Variants in TNK1 observed in about 807,000 individuals in gnomAD.
TNK1 encodes the protein non-receptor tyrosine-protein kinase TNK1.
A neutral mutation model predicts 65.2 loss-of-function variants in TNK1; 53 were observed. That is an observed-to-expected ratio of 0.81 (90% CI 0.65 to 1.02). The LOEUF (loss-of-function observed/expected upper bound fraction) is 1.02, where lower values mean the gene tolerates loss of function less well. Among genes scored for constraint, TNK1 ranks in the 50% least tolerant of loss-of-function variants. The probability of loss-of-function intolerance (pLI) is 0.00; values close to 1 mark genes in which losing one functional copy is unlikely to be tolerated. For synonymous variants in TNK1, 353 were observed against 364.6 expected, an observed-to-expected ratio of 0.97 and a Z score of 0.36; for missense variants, 837 against 878.4, an observed-to-expected ratio of 0.95 and a Z score of 0.60.
intron 2 of TNK1, 47 bp downstream of exon 2, chr17:7,383,136 A>T (rs531448636): frequency 5.6e-6 from 9 of 1,612,332 alleles, no homozygotes; most frequent in Non-Finnish European, 7.6e-6. Context: ...TCCACAGCCT[A>T]TCAGTTGCCT....
In TNK1 at chr17:7,384,713, G is replaced by A. The variant is rs1217361106; in HGVS notation, c.1096G>A (p.Asp366Asn). The stretch of plus-strand genomic sequence containing the variant: ...GCGCTGCTGGGCCCCCCACCCTGCC[G>A]ACCGGCCTAGCTTTTCCCACCTGGA... ...ALRCWAPHPA[D>N]RPSFSHLEGL... The change falls in exon 7 of 13, where the codon GAC becomes AAC. Residue 366 changes from aspartate (D) to asparagine (N), a missense_variant. Physicochemically the swap from Asp to Asn is conservative, Grantham distance 23 (BLOSUM62 1). Transcript: ENST00000688331. 2 of 1,587,192 alleles carry A rather than the reference G, an allele frequency of 1.3e-6. No individual in the cohort carries two copies. Among genetic ancestry groups the A allele is most frequent in the East Asian group, 2.3e-5 (1 of 43,486 alleles).
rs1178638150 is a variant in TNK1, at chr17:7,389,584, C to T, written c.*500C>T. On this transcript the variant is annotated 3_prime_UTR_variant, in exon 13 of 13. Transcript: ENST00000688331. ...GGTCCAGGGCCATCGTGGGTGATGACGATTGCTCTCTTGCACTCAAGGACA... is the reference window on the plus strand; with the variant it reads ...GGTCCAGGGCCATCGTGGGTGATGATGATTGCTCTCTTGCACTCAAGGACA... 1 of 281,266 alleles carries T rather than the reference C, an allele frequency of 3.6e-6. No individual in the cohort carries two copies. The highest frequency in any genetic ancestry group is 5.1e-5 in the Admixed American group (1 of 19,648). The allele number at this position is 281,266 out of a possible 1,614,324, so 17.4% of individuals were successfully genotyped here.
Position 7,384,532 on chromosome 17 carries a change from C to T in TNK1, c.915C>T (p.Asp305=). The change falls in exon 7 of 13, where the codon GAC becomes GAT. Residue 305 remains aspartate (D), a synonymous_variant. Transcript: ENST00000688331. ...LRHGAFSSAS[D]VWMFGVTLWE... ...ACGGAGCCTTCTCGTCTGCCTCGGA[C>T]GTGTGGATGTTTGGGGTGACGCTGT... is the stretch of plus-strand genomic sequence containing the variant. 6.2e-7 allele frequency: 1 copy of T among 1,602,554 alleles called. No individual in the cohort carries two copies. The highest frequency in any genetic ancestry group is 8.5e-7 in the Non-Finnish European group (1 of 1,172,526).
In TNK1 at chr17:7,382,833, C is replaced by T. The variant is rs1256711449; in HGVS notation, c.-91-3C>T. The T allele has an allele frequency of 7.3e-7, 1 of 1,365,710 alleles. No individual in the cohort carries two copies. The highest frequency in any genetic ancestry group is 2.1e-5 in the Admixed American group (1 of 47,282). 84.6% of individuals were successfully genotyped at this position (1,365,710 alleles called of 1,614,324 possible). A position where few individuals can be genotyped will look rare whatever the true frequency, so the allele number is the denominator to read the frequency against. ...GTACCTGAGTGTTTCTAATGACTTG[C>T]AGGTGGAGCTGGAGACCTGGTCTCT... is the stretch of plus-strand genomic sequence containing the variant. On this transcript the variant is annotated splice_polypyrimidine_tract_variant and splice_region_variant and intron_variant, in intron 1 of 12. Coordinates refer to ENST00000688331, the MANE Select transcript of TNK1 (RefSeq NM_003985.6). This position sits in a 1 kb window ranked among gnomAD's most constrained non-coding sequence, Gnocchi z 4.1.
rs747486848 is a variant in TNK1, at chr17:7,383,531, G to A, written c.341G>A (p.Gly114Asp). 5.0e-6 allele frequency: 8 copies of A among 1,613,714 alleles called. No homozygotes were observed. The East Asian group carries it at 6.7e-5, about 13-fold the overall frequency. ...GGCCTCAAGTGTCTGATCCCAGAGG[G>A]TGCTGTTTGCAGAGGGGAGCTGCTG... is the stretch of plus-strand genomic sequence containing the variant. ...EGGLKCLIPE[G>D]AVCRGELLGS... Residue 114 changes from glycine to aspartate, a missense_variant, in exon 4 of 13, where the codon GGT becomes GAT. Physicochemically the swap from Gly to Asp is moderately conservative, Grantham distance 94. Transcript: ENST00000688331.
chr17:7,388,955 C>G lies in TNK1; in HGVS notation c.1873-16C>G. ...CGCCTGGCAGTCAGCTGCAACCCAC[C>G]CTCCTGCTTCCACAGGTAGATCAGC... is the stretch of plus-strand genomic sequence containing the variant. On this transcript the variant is annotated splice_polypyrimidine_tract_variant and intron_variant, in intron 12 of 12. Coordinates refer to ENST00000688331, the MANE Select transcript of TNK1 (RefSeq NM_003985.6). This position sits in a 1 kb window ranked among gnomAD's most constrained non-coding sequence, Gnocchi z 4.5. 6.4e-7 allele frequency: 1 copy of G among 1,554,216 alleles called. No homozygotes were observed. Among genetic ancestry groups the G allele is most frequent in the Non-Finnish European group, 8.7e-7 (1 of 1,148,212 alleles).
chr17:7,387,076 CG>C lies in TNK1; in HGVS notation c.1325del (p.Gly442AlafsTer23), dbSNP rs1210754232. ...FPASAVTLAD[A>X]GGLPATRPVH... ...GCCTCGGCAGTGACGCTGGCAGATG[CG>C]GGGGGCTTGCCAGCCACCCGTCCAG... On this transcript the variant is annotated frameshift_variant, in exon 9 of 13. Transcript: ENST00000688331. LOFTEE classifies it high-confidence loss of function. 4 of 1,612,692 alleles carry C rather than the reference CG, an allele frequency of 2.5e-6. No individual in the cohort carries two copies. The highest frequency in any genetic ancestry group is 2.7e-5 in the African/African-American group (2 of 74,926).
intron 1 of TNK1, 77 bp downstream of exon 1, chr17:7,381,191 G>T (rs111975951): frequency 6.6e-6 from 1 of 152,582 alleles, no homozygotes; most frequent in South Asian, 2.1e-4. Context: ...CGCGTCCGGG[G>T]GGCGCTGGGC....
rs749598075 is a variant in TNK1, at chr17:7,388,721, A to C, written c.1776+17A>C. Reference sequence around the variant, plus strand: ...ATTATGGAGGTGAGGTCTCACTGAAATGGCCTGGTGTCCAGAAGGGGCTAC... The same window carrying C: ...ATTATGGAGGTGAGGTCTCACTGAACTGGCCTGGTGTCCAGAAGGGGCTAC... On this transcript the variant is annotated intron_variant, in intron 11 of 12. Coordinates refer to ENST00000688331, the MANE Select transcript of TNK1 (RefSeq NM_003985.6). The surrounding 1 kb of genome is among the most constrained non-coding windows in gnomAD (Gnocchi z 4.5). 3 of 1,609,764 alleles carry C rather than the reference A, an allele frequency of 1.9e-6. No homozygotes were observed. The highest frequency in any genetic ancestry group is 2.7e-5 in the African/African-American group (2 of 74,750).
chr17:7,383,873 A>G lies in TNK1; in HGVS notation c.582+9A>G. ...GCCAGCCTCTGCAGATGGTGAGCAG[A>G]TCCAGCCGCTGGTTCCCGGGACAGC... On this transcript the variant is annotated intron_variant, in intron 5 of 12. Coordinates refer to ENST00000688331, the MANE Select transcript of TNK1 (RefSeq NM_003985.6). 1 of 1,603,278 alleles carries G rather than the reference A, an allele frequency of 6.2e-7. No homozygotes were observed. Among genetic ancestry groups the G allele is most frequent in the Non-Finnish European group, 8.5e-7 (1 of 1,174,716 alleles).
chr17:7,384,131 G>T lies in TNK1; in HGVS notation c.744G>T (p.Thr248=). ...ARGLVHRDLA[T]RNLLLASPRT... ...GGCTGGTGCACCGAGACCTCGCTAC[G>T]CGCAACCTACTGCTGGCGTCGCCGC... is the stretch of plus-strand genomic sequence containing the variant. Residue 248 remains threonine, a synonymous_variant, in exon 6 of 13, where the codon ACG becomes ACT. Transcript: ENST00000688331. 6.5e-7 allele frequency: 1 copy of T among 1,548,042 alleles called. No individual in the cohort carries two copies. Among genetic ancestry groups the T allele is most frequent in the Non-Finnish European group, 8.7e-7 (1 of 1,154,574 alleles).
At chr17:7,380,102 C>G (rs1021860039), upstream of TNK1, among the ~76,000 whole-genome samples, 1 of 152,086 alleles carries the variant, frequency 6.6e-6, no homozygotes, top group Non-Finnish European at 1.5e-5. Context: ...GACATCTGGA[C>G]CCCTCCCTTA....
At position 7,388,908 on chromosome 17, in the gene TNK1, G is replaced by C; in HGVS notation, c.1872+25G>C. The C allele has an allele frequency of 6.4e-7, 1 of 1,570,224 alleles. No individual in the cohort carries two copies. Among genetic ancestry groups the C allele is most frequent in the South Asian group, 1.2e-5 (1 of 85,586 alleles). On this transcript the variant is annotated intron_variant, in intron 12 of 12. Transcript: ENST00000688331. This position sits in a 1 kb window ranked among gnomAD's most constrained non-coding sequence, Gnocchi z 4.5. ...GGTAAAGCCAGCCCCTTCTCTTGGG[G>C]TCCCTCCTCTCCTGCCCCTGCCGCC...
At position 7,384,152 on chromosome 17, in the gene TNK1, G is replaced by T; in HGVS notation, c.765G>T (p.Ser255=). The T allele has an allele frequency of 6.5e-7, 1 of 1,541,828 alleles. No homozygotes were observed. Among genetic ancestry groups the T allele is most frequent in the Non-Finnish European group, 8.7e-7 (1 of 1,151,050 alleles). The change falls in exon 6 of 13, where the codon TCG becomes TCT. Residue 255 remains serine (S), a synonymous_variant. Coordinates refer to ENST00000688331, the MANE Select transcript of TNK1 (RefSeq NM_003985.6). ...DLATRNLLLA[S]PRTIKVADFG... The stretch of plus-strand genomic sequence containing the variant: ...CTACGCGCAACCTACTGCTGGCGTC[G>T]CCGCGCACCATCAAGGTGGCTGACT...
intron 7 of TNK1, among the ~76,000 whole-genome samples, chr17:7,385,634 G>A (rs542140427): frequency 1.1e-4 from 16 of 152,090 alleles, no homozygotes; most frequent in South Asian, 2.1e-4. Flanking sequence ...GTGGGATCTT[G>A]GCTCACTGCA....
chr17:7,384,088 C>T lies in TNK1; in HGVS notation c.701C>T (p.Ala234Val), dbSNP rs1597678557. The T allele has an allele frequency of 6.5e-7, 1 of 1,542,914 alleles. No homozygotes were observed. Among genetic ancestry groups the T allele is most frequent in the East Asian group, 2.4e-5 (1 of 41,048 alleles). Reference protein sequence around the residue: ...LFLRQLAGAMAYLGARGLVHR... With the variant: ...LFLRQLAGAMVYLGARGLVHR... Reference sequence around the variant, plus strand: ...CTGCGGCAGCTGGCGGGAGCCATGGCGTACCTGGGGGCCCGCGGGCTGGTG... The same window carrying T: ...CTGCGGCAGCTGGCGGGAGCCATGGTGTACCTGGGGGCCCGCGGGCTGGTG... Residue 234 changes from alanine (A) to valine (V), a missense_variant, in exon 6 of 13, where the codon GCG (alanine) becomes GTG (valine). By Grantham distance (64) the Ala-to-Val change is moderately conservative. Transcript: ENST00000688331.
At position 7,387,056 on chromosome 17, in the gene TNK1, G is replaced by A. The variant is rs56159710; in HGVS notation, c.1299G>A (p.Ser433=). ...RTFKVGSFPA[S]AVTLADAGGL... ...TCAAAGTGGGCAGCTTCCCAGCCTC[G>A]GCAGTGACGCTGGCAGATGCGGGGG... Residue 433 remains serine, a synonymous_variant, in exon 9 of 13, where the codon TCG becomes TCA. Transcript: ENST00000688331. The A allele has an allele frequency of 1.8e-3, 2,942 of 1,611,736 alleles. 38 individuals carry two copies. The African/African-American group carries it at 0.032, about 18-fold the overall frequency.
At position 7,383,492 on chromosome 17, in the gene TNK1, C is replaced by T. The variant is rs376702418; in HGVS notation, c.302C>T (p.Pro101Leu). The T allele has an allele frequency of 1.4e-5, 23 of 1,613,786 alleles. No homozygotes were observed. The highest frequency in any genetic ancestry group is 2.7e-5 in the African/African-American group (2 of 74,938). The stretch of plus-strand genomic sequence containing the variant: ...CCCTCGGACAGCCCACGGCACCTCC[C>T]TGAGCCAGAGGGGGGCCTCAAGTGT... ...TLPSDSPRHLPEPEGGLKCLI... is the reference protein window; with the variant it reads ...TLPSDSPRHLLEPEGGLKCLI... Residue 101 changes from proline (P) to leucine (L), a missense_variant, in exon 4 of 13, where the codon CCT becomes CTT. By Grantham distance (98) the Pro-to-Leu change is moderately conservative (BLOSUM62 -3). Coordinates refer to ENST00000688331, the MANE Select transcript of TNK1 (RefSeq NM_003985.6).
chr17:7,384,261 C>T lies in TNK1; in HGVS notation c.866+8C>T, dbSNP rs1286721494. 4.8e-6 allele frequency: 7 copies of T among 1,448,422 alleles called. No individual in the cohort carries two copies. The highest frequency in any genetic ancestry group is 6.3e-6 in the Non-Finnish European group (7 of 1,108,216). The allele number at this position is 1,448,422 out of a possible 1,614,324, so 89.7% of individuals were successfully genotyped here. A position where few individuals can be genotyped will look rare whatever the true frequency, so the allele number is the denominator to read the frequency against. On this transcript the variant is annotated splice_region_variant and intron_variant, in intron 6 of 12. Transcript: ENST00000688331. ...CCCTATCCCCTACGCCTGGTGAGAGCGGGTCCGCGGGCGGTCGGGCTCTGA... is the reference window on the plus strand; with the variant it reads ...CCCTATCCCCTACGCCTGGTGAGAGTGGGTCCGCGGGCGGTCGGGCTCTGA...
Sources: gnomAD v4.1 joint callset for allele counts (sites outside exome capture counted in the v4.1 genomes callset) on GRCh38, gnomAD v4.1.1 for gene constraint, Gnocchi (gnomAD v3.1) non-coding constraint, MANE v1.5 for transcripts, NCBI Gene and HGNC (gene_info 2026-07-23, HGNC 2026-07-21) for gene names.